TENM3: variants seen among roughly 807,000 people sequenced by gnomAD.
The protein encoded by TENM3 is teneurin transmembrane protein 3, also known as teneurin-3.
TENM3 carries 63 observed loss-of-function variants against 255.1 expected under a neutral mutation model. The observed-to-expected ratio is 0.25, with a 90% confidence interval of 0.20 to 0.30. TENM3 has a LOEUF of 0.30. Among genes scored for constraint, TENM3 ranks in the 10% least tolerant of loss-of-function variants. The pLI is 1.00. For synonymous variants in TENM3, 1,306 were observed against 1,322.3 expected, an observed-to-expected ratio of 0.99 and a Z score of 0.27; for missense variants, 2,929 against 3,461.1, an observed-to-expected ratio of 0.85 and a Z score of 3.86.
chr4:182,188,414 C>T (rs896090711), intron 1 of TENM3, among the ~76,000 whole-genome samples: 1 of 152,138 alleles, frequency 6.6e-6, no homozygotes, highest in African/African-American at 2.4e-5. Flanking sequence ...AGATTCGGCT[C>T]CATATGTCTC....
chr4:181,794,933 G>A, the TENM3 span, among the ~76,000 whole-genome samples: 1 of 152,118 alleles, frequency 6.6e-6, no homozygotes, highest in Non-Finnish European at 1.5e-5. Context: ...AGCTGCATCA[G>A]TCCAGAAATT....
At chr4:182,271,936 G>A (rs1759655771) in intron 1 of TENM3, among the ~76,000 whole-genome samples, 1 of 152,240 alleles carries the variant, frequency 6.6e-6, no homozygotes. Flanking sequence ...CACGGAGGGT[G>A]TGTGAACAGG....
At position 182,384,929 on chromosome 4, in the gene TENM3, A is replaced by AT. The variant is rs1580366902; in HGVS notation, c.511+38004dup. ...CATCTCCTAAAAAACAGTTTTACAG[A>AT]TTTTCTACTGACAGAGTTAGCAGTC... is the stretch of plus-strand genomic sequence containing the variant. On this transcript the variant is annotated intron_variant, in intron 3 of 27. Coordinates refer to ENST00000511685, the MANE Select transcript of TENM3 (RefSeq NM_001080477.4). 2.6e-5 allele frequency among the ~76,000 whole-genome samples: 4 copies of AT among 152,016 alleles called. No homozygotes were observed. The South Asian group carries it at 8.3e-4, about 31-fold the overall frequency.
At chr4:182,195,975 G>C (rs1202879485) in intron 1 of TENM3, among the ~76,000 whole-genome samples, 1 of 152,052 alleles carries the variant, frequency 6.6e-6, no homozygotes, top group African/African-American at 2.4e-5. Context: ...TAACCCTTCT[G>C]GCAACTTCTT....
chr4:182,748,996 C>T (rs1762197640), intron 19 of TENM3, among the ~76,000 whole-genome samples: 1 of 152,078 alleles, frequency 6.6e-6, no homozygotes, highest in South Asian at 2.1e-4. Context: ...TCTTTACTTC[C>T]CCACTAGGAT....
the TENM3 span, among the ~76,000 whole-genome samples, chr4:181,979,155 T>TATATATATATA: frequency 1.1e-5 from 1 of 92,632 alleles, no homozygotes. Flanking sequence ...TATATATATA[T>TATATATATATA]GACATCTTTG....
At chr4:182,232,550 C>T (rs1329456208) in intron 1 of TENM3, among the ~76,000 whole-genome samples, 1 of 152,086 alleles carries the variant, frequency 6.6e-6, no homozygotes, top group African/African-American at 2.4e-5. Context: ...ATGGCGAAAC[C>T]CCATGTCTAC....
the TENM3 span, among the ~76,000 whole-genome samples, chr4:182,068,591 A>G: frequency 1.3e-5 from 2 of 152,152 alleles, no homozygotes; most frequent in Non-Finnish European, 2.9e-5. Flanking sequence ...TTCCTGCTTG[A>G]TGAAAACAGC....
At chr4:182,374,923 A>G (rs17073193) in intron 3 of TENM3, among the ~76,000 whole-genome samples, 3,239 of 152,142 alleles carry the variant, frequency 0.021, 71 homozygotes, top group African/African-American at 0.045. Flanking sequence ...TTTCCTTGCA[A>G]TTCCTGTGAA....
At chr4:181,922,477 T>C in the TENM3 span, among the ~76,000 whole-genome samples, 3 of 152,042 alleles carry the variant, frequency 2.0e-5, no homozygotes, top group Non-Finnish European at 2.9e-5. Flanking sequence ...GTGTATGTGT[T>C]GAGGAATTTA....
At chr4:182,288,321 C>T (rs1209907054) in intron 1 of TENM3, among the ~76,000 whole-genome samples, 4 of 152,190 alleles carry the variant, frequency 2.6e-5, no homozygotes, top group Admixed American at 6.5e-5. Context: ...CCTCCTGCCT[C>T]AGCCTCCCAA....
At chr4:182,458,131 G>A (rs975440048) in intron 3 of TENM3, among the ~76,000 whole-genome samples, 1 of 152,082 alleles carries the variant, frequency 6.6e-6, no homozygotes, top group African/African-American at 2.4e-5. Context: ...TTTTAATTCA[G>A]ATTTTTTAAA....
chr4:182,309,414 C>A (rs1357705557), intron 1 of TENM3, among the ~76,000 whole-genome samples: 1 of 152,172 alleles, frequency 6.6e-6, no homozygotes, highest in Non-Finnish European at 1.5e-5. Flanking sequence ...ATCCCTTATT[C>A]TCCAAATACT....
chr4:181,583,022 G>GCA, the TENM3 span, among the ~76,000 whole-genome samples: 16 of 152,070 alleles, frequency 1.1e-4, no homozygotes, highest in African/African-American at 3.6e-4. Context: ...ACATGTGCAT[G>GCA]CACACACACA....
intron 1 of TENM3, among the ~76,000 whole-genome samples, chr4:182,314,198 G>A (rs1762613523): frequency 6.6e-6 from 1 of 152,122 alleles, no homozygotes; most frequent in South Asian, 2.1e-4. Flanking sequence ...CTACTCGGGA[G>A]GCTGAGGCAG....
intron 1 of TENM3, among the ~76,000 whole-genome samples, chr4:182,303,868 T>A (rs1761984574): frequency 6.6e-6 from 1 of 152,246 alleles, no homozygotes; most frequent in Admixed American, 6.5e-5. Context: ...TAATTGTATG[T>A]GTTCATTTTA....
chr4:182,784,725 C>T (rs558133796), intron 24 of TENM3, among the ~76,000 whole-genome samples: 6 of 151,814 alleles, frequency 4.0e-5, no homozygotes, highest in Admixed American at 2.6e-4. Context: ...GCGTAGGACC[C>T]TCCCAGCCAG....
the TENM3 span, among the ~76,000 whole-genome samples, chr4:181,534,466 T>TCC: frequency 1.1e-4 from 11 of 100,130 alleles, no homozygotes; most frequent in African/African-American, 4.3e-4. Context: ...CCTGAGGTCT[T>TCC]CCCCCCCCCC....
chr4:182,014,113 TATATACGTATATATACATATACACACAC>T, the TENM3 span, among the ~76,000 whole-genome samples: 2 of 144,144 alleles, frequency 1.4e-5, no homozygotes, highest in African/African-American at 2.5e-5. Context: ...TATATACACA[TATATACGTATATATACATATACACACAC>T]ATATATACTT....
Sources: allele counts gnomAD v4.1 joint callset (sites outside exome capture counted in the v4.1 genomes callset), GRCh38; gene constraint gnomAD v4.1.1; transcripts MANE v1.5; gene names NCBI Gene and HGNC (gene_info 2026-07-23, HGNC 2026-07-21).